RGP1: variants seen among roughly 807,000 people sequenced by gnomAD.
The protein encoded by RGP1 is RGP1 partner of RAB6A GEF complex.
RGP1 carries 28 observed loss-of-function variants against 44.5 expected under a neutral mutation model. The ratio of observed to expected loss-of-function variants is 0.63; its 90% CI spans 0.47 to 0.86. RGP1 has a LOEUF of 0.86. RGP1 is among the 40% of genes least tolerant of loss of function. RGP1 has a pLI of 0.00. For synonymous variants in RGP1, 212 were observed against 196.7 expected (o/e 1.08, Z -0.65); for missense variants, 417 against 490.7 (o/e 0.85, Z 1.42).
chr9:35,753,795 G>T lies in RGP1; in HGVS notation c.*921G>T, dbSNP rs1185259343. On this transcript the variant is annotated 3_prime_UTR_variant, in exon 9 of 9. Transcript: ENST00000378078. This position sits in a 1 kb window ranked among gnomAD's most constrained non-coding sequence, Gnocchi z 4.2. ...TAGGGAAGAACGGGAAATGTTAGTA[G>T]GTGTAGGAGTGCTGATGAGAGGCAG... 2 of 1,598,042 alleles carry T rather than the reference G, an allele frequency of 1.3e-6. No individual in the cohort carries two copies. Among genetic ancestry groups the T allele is most frequent in the Non-Finnish European group, 1.7e-6 (2 of 1,165,942 alleles).
At chr9:35,767,165 T>C in the RGP1 span, among the ~76,000 whole-genome samples, 1 of 152,130 alleles carries the variant, frequency 6.6e-6, no homozygotes, top group East Asian at 1.9e-4. Flanking sequence ...TATAATACAA[T>C]GTGTCATGTG....
rs1827320361 is a variant in RGP1 at position 35,754,047 on chromosome 9, A to G, written c.*1173A>G. Reference sequence around the variant, plus strand: ...GCTGTAGACTCCTGGGTGCTGGAGGAGTAGAGACATCACCAAGCAGATGAT... The same window carrying G: ...GCTGTAGACTCCTGGGTGCTGGAGGGGTAGAGACATCACCAAGCAGATGAT... On this transcript the variant is annotated 3_prime_UTR_variant, in exon 9 of 9. Coordinates refer to ENST00000378078, the MANE Select transcript of RGP1 (RefSeq NM_001080496.3). The G allele has an allele frequency of 6.2e-7, 1 of 1,613,682 alleles. No homozygotes were observed. The highest frequency in any genetic ancestry group is 1.3e-5 in the African/African-American group (1 of 74,834).
chr9:35,762,265 A>C (rs1169168694), downstream of RGP1, among the ~76,000 whole-genome samples: 1 of 152,204 alleles, frequency 6.6e-6, no homozygotes, highest in African/African-American at 2.4e-5. Flanking sequence ...ATGATGAAGG[A>C]GCAATTAGAT....
the RGP1 span, among the ~76,000 whole-genome samples, chr9:35,774,087 T>G: frequency 6.6e-6 from 1 of 152,234 alleles, no homozygotes; most frequent in Non-Finnish European, 1.5e-5. Flanking sequence ...TGATGATAAA[T>G]TTCATTAAAA....
chr9:35,765,929 G>A, the RGP1 span, among the ~76,000 whole-genome samples: 1 of 150,672 alleles, frequency 6.6e-6, no homozygotes, highest in African/African-American at 2.4e-5. Flanking sequence ...CCACCTCCTG[G>A]GTTCACGCCA....
rs934272613 is a variant in RGP1, at chr9:35,754,263, A to G, written c.*1389A>G. The G allele has an allele frequency of 5.3e-6, 6 of 1,134,572 alleles. No individual in the cohort carries two copies. The Admixed American group carries it at 1.1e-4, about 20-fold the overall frequency. The allele number at this position is 1,134,572 out of a possible 1,614,324, so 70.3% of individuals were successfully genotyped here. On this transcript the variant is annotated 3_prime_UTR_variant, in exon 9 of 9. Coordinates refer to ENST00000378078, the MANE Select transcript of RGP1 (RefSeq NM_001080496.3). ...CTCCCCTGGGCTCCTGTCTCACACT[A>G]TCTCCCTGCCCTCTGCTCTCACAGG...
At chr9:35,769,791 C>A in the RGP1 span, among the ~76,000 whole-genome samples, 1 of 152,048 alleles carries the variant, frequency 6.6e-6, no homozygotes, top group Non-Finnish European at 1.5e-5. Flanking sequence ...CCATGGGGCA[C>A]CTTGAAATTC....
chr9:35,769,048 A>G, the RGP1 span, among the ~76,000 whole-genome samples: 1 of 152,250 alleles, frequency 6.6e-6, no homozygotes, highest in Non-Finnish European at 1.5e-5. Flanking sequence ...AGGCCTGTTT[A>G]CTGTGTCCAG....
At chr9:35,760,917 T>A (rs573837768), downstream of RGP1, among the ~76,000 whole-genome samples, 1 of 152,328 alleles carries the variant, frequency 6.6e-6, no homozygotes, top group South Asian at 2.1e-4. Context: ...GGCTCAGTGC[T>A]CCCACAAGCA....
the RGP1 span, among the ~76,000 whole-genome samples, chr9:35,779,142 G>A: frequency 6.6e-6 from 1 of 152,154 alleles, no homozygotes; most frequent in Admixed American, 6.5e-5. Context: ...AGAGAGAGTT[G>A]CTAATAATTG....
chr9:35,781,636 G>T, the RGP1 span, among the ~76,000 whole-genome samples: 2 of 152,034 alleles, frequency 1.3e-5, no homozygotes, highest in African/African-American at 4.8e-5. Context: ...ATACCTTTTA[G>T]GTGTCAAATA....
Position 35,754,182 on chromosome 9 carries a change from G to A in RGP1, c.*1308G>A. On this transcript the variant is annotated 3_prime_UTR_variant, in exon 9 of 9. Coordinates refer to ENST00000378078, the MANE Select transcript of RGP1 (RefSeq NM_001080496.3). ...TCTTGGCCTCTGCTCAGCTACTCTG[G>A]TCTTGACTCCTTGACTTTGCTTTGC... 1.9e-6 allele frequency: 3 copies of A among 1,571,220 alleles called. No individual in the cohort carries two copies. The highest frequency in any genetic ancestry group is 1.7e-6 in the Non-Finnish European group (2 of 1,157,676).
chr9:35,767,249 C>G, the RGP1 span, among the ~76,000 whole-genome samples: 3 of 149,410 alleles, frequency 2.0e-5, no homozygotes, highest in East Asian at 5.9e-4. Flanking sequence ...TAATGACCAG[C>G]CTTAATGCTC....
At chr9:35,759,966 C>A (rs1413305040), downstream of RGP1, among the ~76,000 whole-genome samples, 1 of 134,466 alleles carries the variant, frequency 7.4e-6, no homozygotes, top group Non-Finnish European at 1.6e-5. Flanking sequence ...ATGGGTTTAT[C>A]ATCTCTTTAC....
At chr9:35,774,854 T>A in the RGP1 span, among the ~76,000 whole-genome samples, 1 of 152,156 alleles carries the variant, frequency 6.6e-6, no homozygotes, top group Non-Finnish European at 1.5e-5. Flanking sequence ...TTTATACAGG[T>A]CAATTCCCCT....
At chr9:35,751,245 C>T (rs780087128) in intron 5 of RGP1, 21 bp from the exon 6 acceptor site, 14 of 1,613,354 alleles carry the variant, frequency 8.7e-6, no homozygotes, top group Non-Finnish European at 1.2e-5. Flanking sequence ...AGCATTACCT[C>T]TCCACTCATT....
downstream of RGP1, among the ~76,000 whole-genome samples, chr9:35,761,182 A>G (rs951561450): frequency 6.6e-6 from 1 of 152,116 alleles, no homozygotes; most frequent in Non-Finnish European, 1.5e-5. Context: ...TTTCCCTGGG[A>G]GTTGGTTGTT....
intron 4 of RGP1, 43 bp downstream of exon 4, chr9:35,750,784 TGGAG>T: frequency 1.9e-6 from 3 of 1,613,898 alleles, no homozygotes; most frequent in Non-Finnish European, 2.5e-6. Flanking sequence ...CTAAGTCTCC[TGGAG>T]GGAGGACTCC....
downstream of RGP1, among the ~76,000 whole-genome samples, chr9:35,759,567 C>CAAAAAAAAAAAAA (rs57938702): frequency 5.2e-5 from 2 of 38,280 alleles, no homozygotes; most frequent in African/African-American, 1.0e-4. Context: ...ACCCTGTCTC[C>CAAAAAAAAAAAAA]AAAAAAAAAA....
Sources: allele counts gnomAD v4.1 joint callset (sites outside exome capture counted in the v4.1 genomes callset), GRCh38; gene constraint gnomAD v4.1.1; non-coding constraint Gnocchi (gnomAD v3.1); transcripts MANE v1.5; gene names NCBI Gene and HGNC (gene_info 2026-07-23, HGNC 2026-07-21).